The following ST7 variants were observed in gnomAD, a reference collection of about 807,000 sequenced individuals.
ST7 encodes the protein suppressor of tumorigenicity 7 protein.
Under a neutral mutation model 78.7 loss-of-function variants are expected in ST7, and 28 were observed. The observed-to-expected ratio is 0.36, with a 90% confidence interval of 0.26 to 0.49. ST7 has a LOEUF of 0.49. ST7 is among the 20% of genes least tolerant of loss of function. The probability of loss-of-function intolerance (pLI) is 0.99; values close to 1 mark genes in which losing one functional copy is unlikely to be tolerated. For missense variants in ST7, 418 were observed against 696.0 expected (o/e 0.60, Z 4.49); for synonymous variants, 247 against 249.6 (o/e 0.99, Z 0.10).
intron 1 of ST7, among the ~76,000 whole-genome samples, chr7:117,083,911 A>G (rs1799961008): frequency 6.6e-6 from 1 of 152,136 alleles, no homozygotes; most frequent in Non-Finnish European, 1.5e-5. Flanking sequence ...TCTCCTCCTT[A>G]TTAACAAACG....
chr7:117,211,730 ACT>A (rs1281385340), intron 13 of ST7, among the ~76,000 whole-genome samples: 1 of 152,108 alleles, frequency 6.6e-6, no homozygotes, highest in African/African-American at 2.4e-5. Flanking sequence ...GTAACTGGAA[ACT>A]CTCTTTGGAA....
chr7:117,136,024 G>A (rs563297793), intron 7 of ST7, 57 bp from the exon 8 acceptor site: 111 of 1,587,234 alleles, frequency 7.0e-5, no homozygotes, highest in Non-Finnish European at 9.3e-5. Context: ...AGCTCCTACA[G>A]TCTATTACCA....
chr7:117,097,867 A>G (rs1389226417), intron 1 of ST7, among the ~76,000 whole-genome samples: 5 of 82,874 alleles, frequency 6.0e-5, no homozygotes, highest in East Asian at 3.2e-4. Flanking sequence ...CTATATATAT[A>G]TATGACATAT....
chr7:117,002,548 G>A (rs1485351906), intron 1 of ST7, among the ~76,000 whole-genome samples: 1 of 151,794 alleles, frequency 6.6e-6, no homozygotes, highest in Non-Finnish European at 1.5e-5. Context: ...ATTACCTCCA[G>A]TTAATAGCAT....
intron 1 of ST7, among the ~76,000 whole-genome samples, chr7:116,995,535 G>C (rs1794614802): frequency 6.6e-6 from 1 of 152,190 alleles, no homozygotes; most frequent in African/African-American, 2.4e-5. Flanking sequence ...GGAGCCCATG[G>C]GAAGCAATCC....
rs370188656 is a variant in ST7 at position 117,080,868 on chromosome 7, A to T, written c.152-18894A>T. Reference sequence around the variant, plus strand: ...TTGTGCATATTTTAATACCAACCTTATTTATGCCATTGAGTTTTCTATCCA... The same window carrying T: ...TTGTGCATATTTTAATACCAACCTTTTTTATGCCATTGAGTTTTCTATCCA... On this transcript the variant is annotated intron_variant, in intron 1 of 15. Coordinates refer to ENST00000323984, the MANE Select transcript of ST7 (RefSeq NM_001369598.1). The T allele has an allele frequency of 5.3e-5, 8 of 152,154 alleles. No individual in the cohort carries two copies. The East Asian group carries it at 5.8e-4, about 11-fold the overall frequency. The allele number at this position is 152,154 out of a possible 1,614,324, so 9.4% of individuals were successfully genotyped here.
intron 13 of ST7, among the ~76,000 whole-genome samples, chr7:117,210,469 G>T (rs1384649170): frequency 1.3e-5 from 2 of 152,196 alleles, no homozygotes; most frequent in Admixed American, 1.3e-4. Flanking sequence ...ACGGATAAAT[G>T]CTGGGTAGAT....
At chr7:117,004,103 G>A (rs1389353840) in intron 1 of ST7, among the ~76,000 whole-genome samples, 1 of 152,164 alleles carries the variant, frequency 6.6e-6, no homozygotes, top group Non-Finnish European at 1.5e-5. Flanking sequence ...ATGGATGAAT[G>A]CCAATTAGTA....
At chr7:117,193,688 CAGGTTTCTT>C (rs2117417969) in intron 12 of ST7, among the ~76,000 whole-genome samples, 1 of 152,342 alleles carries the variant, frequency 6.6e-6, no homozygotes, top group Non-Finnish European at 1.5e-5. Flanking sequence ...AAGGACAATT[CAGGTTTCTT>C]CAGGATATCT....
chr7:117,064,237 T>G (rs947956204), intron 1 of ST7, among the ~76,000 whole-genome samples: 3 of 152,184 alleles, frequency 2.0e-5, no homozygotes, highest in Non-Finnish European at 4.4e-5. Flanking sequence ...AATAAACATA[T>G]ATTCTTTTGC....
At chr7:117,221,664 T>C (rs908085744) in intron 14 of ST7, among the ~76,000 whole-genome samples, 1 of 152,168 alleles carries the variant, frequency 6.6e-6, no homozygotes, top group Non-Finnish European at 1.5e-5. Context: ...TTCCCTCCCA[T>C]GAAGGCGTGA....
chr7:117,192,106 G>A (rs1467659028), intron 12 of ST7, among the ~76,000 whole-genome samples: 6 of 152,054 alleles, frequency 3.9e-5, no homozygotes, highest in African/African-American at 7.2e-5. Context: ...GCAGATTTAT[G>A]TATTGTCCAT....
intron 1 of ST7, among the ~76,000 whole-genome samples, chr7:116,981,081 A>G (rs1443273081): frequency 1.3e-5 from 2 of 152,004 alleles, no homozygotes; most frequent in Admixed American, 1.3e-4. Context: ...ATTTTGTAGA[A>G]TACCATTCAA....
chr7:117,079,527 CAGG>C (rs1204088963), intron 1 of ST7, among the ~76,000 whole-genome samples: 1 of 152,236 alleles, frequency 6.6e-6, no homozygotes, highest in East Asian at 1.9e-4. Flanking sequence ...CTTTTTAAGA[CAGG>C]AGGATTTTCT....
chr7:117,155,591 A>T lies in ST7; in HGVS notation c.964-15271A>T, dbSNP rs117710044. 4.4e-3 allele frequency among the ~76,000 whole-genome samples: 667 copies of T among 152,238 alleles called. 13 individuals are homozygous for T. In the East Asian group the frequency reaches 0.061, roughly 14 times the overall value. On this transcript the variant is annotated intron_variant, in intron 9 of 15. Coordinates refer to ENST00000323984, the MANE Select transcript of ST7 (RefSeq NM_001369598.1). Reference sequence around the variant, plus strand: ...TTGGACATATGTATCTCAACGCCCTACCCTTGGTTCATAGGCCTCCCCTTG... The same window carrying T: ...TTGGACATATGTATCTCAACGCCCTTCCCTTGGTTCATAGGCCTCCCCTTG...
intron 1 of ST7, among the ~76,000 whole-genome samples, chr7:116,970,998 A>G (rs1793389233): frequency 6.6e-6 from 1 of 152,138 alleles, no homozygotes; most frequent in African/African-American, 2.4e-5. Flanking sequence ...ACCCAAAGAG[A>G]CCACATCAAA....
intron 1 of ST7, chr7:116,972,751 C>T (rs569495535): frequency 3.9e-4 from 360 of 922,466 alleles, no homozygotes; most frequent in Non-Finnish European, 5.1e-4. Context: ...CTGGATCCTA[C>T]GGTTCAAGGA....
chr7:117,034,956 T>G (rs895383867), intron 1 of ST7, among the ~76,000 whole-genome samples: 2 of 152,140 alleles, frequency 1.3e-5, no homozygotes, highest in Non-Finnish European at 2.9e-5. Context: ...TGTTTAGTTG[T>G]GTAAGGGTGA....
chr7:116,997,523 A>G (rs1458818591), intron 1 of ST7, among the ~76,000 whole-genome samples: 1 of 152,182 alleles, frequency 6.6e-6, no homozygotes, highest in Non-Finnish European at 1.5e-5. Context: ...TGAGCTAGAC[A>G]CAGGGTGCTG....
Sources: allele counts gnomAD v4.1 joint callset (sites outside exome capture counted in the v4.1 genomes callset), GRCh38; gene constraint gnomAD v4.1.1; transcripts MANE v1.5; gene names NCBI Gene and HGNC (gene_info 2026-07-23, HGNC 2026-07-21).